MAST4: variants seen among roughly 807,000 people sequenced by gnomAD.
The protein encoded by MAST4 is microtubule-associated serine/threonine-protein kinase 4.
Under a neutral mutation model 162.7 loss-of-function variants are expected in MAST4, and 89 were observed. The observed-to-expected ratio is 0.55, with a 90% CI of 0.46 to 0.65. The LOEUF is 0.65. MAST4 is among the 30% of genes least tolerant of loss of function. MAST4 has a pLI of 0.00. For missense variants in MAST4, 3,153 were observed against 3,374.0 expected (o/e 0.93, Z 1.62); for synonymous variants, 1,479 against 1,361.1 (o/e 1.09, Z -1.91).
At chr5:66,708,911 TAGAAAATC>T (rs1750316770) in intron 1 of MAST4, among the ~76,000 whole-genome samples, 1 of 152,144 alleles carries the variant, frequency 6.6e-6, no homozygotes, top group Non-Finnish European at 1.5e-5. Context: ...GCAAATGGGA[TAGAAAATC>T]AGTCGGTAAT....
intron 4 of MAST4, among the ~76,000 whole-genome samples, chr5:66,931,245 G>A (rs1419934176): frequency 2.6e-5 from 4 of 152,104 alleles, no homozygotes; most frequent in Non-Finnish European, 5.9e-5. Context: ...CACTGAATAT[G>A]TTTATCCTTA....
intron 1 of MAST4, among the ~76,000 whole-genome samples, chr5:66,735,257 A>G (rs1188003696): frequency 6.6e-6 from 1 of 152,236 alleles, no homozygotes; most frequent in East Asian, 1.9e-4. Flanking sequence ...TTCAGAATTA[A>G]TCATACAAAA....
intron 8 of MAST4, 23 bp from the exon 9 acceptor site, chr5:67,102,513 A>G (rs776841606): frequency 6.2e-7 from 1 of 1,609,048 alleles, no homozygotes; most frequent in Non-Finnish European, 8.5e-7. Context: ...CAAGTTTAAA[A>G]GGGTAATTTG....
chr5:66,782,228 G>A (rs1354221367), intron 2 of MAST4, among the ~76,000 whole-genome samples: 1 of 151,542 alleles, frequency 6.6e-6, no homozygotes, highest in Non-Finnish European at 1.5e-5. Flanking sequence ...GGTGGAGGTT[G>A]CAGGGAGCCG....
At chr5:66,825,812 A>G (rs530904460) in intron 3 of MAST4, among the ~76,000 whole-genome samples, 65 of 152,198 alleles carry the variant, frequency 4.3e-4, no homozygotes, top group Non-Finnish European at 7.8e-4. Flanking sequence ...ACAATTAATG[A>G]CAAAGCCTAC....
chr5:66,983,485 C>G (rs964149007), intron 4 of MAST4, among the ~76,000 whole-genome samples: 1 of 152,104 alleles, frequency 6.6e-6, no homozygotes, highest in Non-Finnish European at 1.5e-5. Context: ...TTTAACCTAC[C>G]ATTTGCATGA....
intron 7 of MAST4, among the ~76,000 whole-genome samples, chr5:67,097,729 T>G (rs1460707081): frequency 6.6e-6 from 1 of 152,132 alleles, no homozygotes; most frequent in Non-Finnish European, 1.5e-5. Context: ...TCAATATTCC[T>G]ATTTTTTCCT....
At chr5:66,835,206 G>C (rs1757879122) in intron 3 of MAST4, among the ~76,000 whole-genome samples, 1 of 152,118 alleles carries the variant, frequency 6.6e-6, no homozygotes, top group Admixed American at 6.6e-5. Flanking sequence ...GTTGTGCCCT[G>C]TCTCTTATAT....
chr5:66,705,329 G>A (rs1751606681), intron 1 of MAST4, among the ~76,000 whole-genome samples: 1 of 152,178 alleles, frequency 6.6e-6, no homozygotes, highest in South Asian at 2.1e-4. Flanking sequence ...AAACCTCACT[G>A]TAATTAAATA....
At chr5:67,160,356 T>C in intron 26 of MAST4, 100 bp from the exon 27 acceptor site, 1 of 1,234,218 alleles carries the variant, frequency 8.1e-7, no homozygotes, top group Non-Finnish European at 1.1e-6. Context: ...TTTATATGTA[T>C]GTTCCTTTCT....
intron 1 of MAST4, among the ~76,000 whole-genome samples, chr5:66,754,240 T>C (rs1321226792): frequency 6.6e-6 from 1 of 152,056 alleles, no homozygotes; most frequent in African/African-American, 2.4e-5. Context: ...TAGGAAAAGA[T>C]TGGATTGATT....
chr5:66,875,555 T>C (rs1356647948), intron 3 of MAST4, among the ~76,000 whole-genome samples: 1 of 152,224 alleles, frequency 6.6e-6, no homozygotes, highest in Non-Finnish European at 1.5e-5. Context: ...TTAAATGAGA[T>C]AATGCATAAA....
rs79042887 is a variant in MAST4, at chr5:66,640,078, A to G, written c.363+43060A>G. Among the ~76,000 whole-genome samples, 1,054 of 152,258 alleles carry G rather than the reference A, an allele frequency of 6.9e-3. 12 individuals are homozygous for G. The highest frequency in any genetic ancestry group is 0.024 in the African/African-American group (1,012 of 41,560). ...ACTGCAACTTTGTATCCTTTGACCT[A>G]CAACTCCCCATTCCCCCACCTCTAT... On this transcript the variant is annotated intron_variant, in intron 1 of 28. Transcript: ENST00000403625.
chr5:67,046,074 A>G (rs1450494457), intron 4 of MAST4, among the ~76,000 whole-genome samples: 2 of 152,162 alleles, frequency 1.3e-5, no homozygotes, highest in Non-Finnish European at 2.9e-5. Flanking sequence ...TCCAGTGTTC[A>G]GTACAGTAAC....
chr5:66,980,156 C>G (rs1748609133), intron 4 of MAST4, among the ~76,000 whole-genome samples: 1 of 152,166 alleles, frequency 6.6e-6, no homozygotes, highest in Non-Finnish European at 1.5e-5. Flanking sequence ...TTTACTGTCT[C>G]TTGCGGTGGC....
intron 5 of MAST4, among the ~76,000 whole-genome samples, chr5:67,056,276 G>A (rs940917869): frequency 4.6e-5 from 7 of 152,062 alleles, no homozygotes; most frequent in African/African-American, 7.2e-5. Flanking sequence ...CTGTTTGTGA[G>A]ATTGATATTA....
rs764207703 is a variant in MAST4, at chr5:67,162,742, C to T, written c.3921C>T (p.Pro1307=). 6.8e-6 allele frequency: 11 copies of T among 1,613,702 alleles called. No homozygotes were observed. Among genetic ancestry groups the T allele is most frequent in the African/African-American group, 2.7e-5 (2 of 74,856 alleles). ...GTTCCCCCACTCATAGCTTGTCTCC[C>T]CGGTCTCCAACACCAAGCTACCGCT... is the stretch of plus-strand genomic sequence containing the variant. ...LPGSPTHSLS[P]RSPTPSYRST... The change falls in exon 28 of 29, where the codon CCC becomes CCT. Residue 1307 remains proline, a synonymous_variant. Transcript: ENST00000403625.
At chr5:66,683,480 C>CGTCCT (rs1424180213) in intron 1 of MAST4, among the ~76,000 whole-genome samples, 4 of 152,166 alleles carry the variant, frequency 2.6e-5, no homozygotes, top group Admixed American at 1.3e-4. Context: ...TGTTTTTACA[C>CGTCCT]GTCCTGTCCT....
intron 3 of MAST4, among the ~76,000 whole-genome samples, chr5:66,844,064 C>T (rs1758621310): frequency 6.6e-6 from 1 of 151,692 alleles, no homozygotes; most frequent in African/African-American, 2.4e-5. Flanking sequence ...TTGTCAGACA[C>T]TTTCCTTAGG....
Sources: allele counts gnomAD v4.1 joint callset (sites outside exome capture counted in the v4.1 genomes callset), GRCh38; gene constraint gnomAD v4.1.1; transcripts MANE v1.5; gene names NCBI Gene and HGNC (gene_info 2026-07-23, HGNC 2026-07-21).